The following GRB10 variants were observed in gnomAD, a reference collection of about 807,000 sequenced individuals.
The protein encoded by GRB10 is growth factor receptor bound protein 10, also known as growth factor receptor-bound protein 10.
A neutral mutation model predicts 80.9 loss-of-function variants in GRB10; 20 were observed. The observed-to-expected ratio is 0.25, with a 90% CI of 0.17 to 0.36. GRB10 has a LOEUF of 0.36. Among genes scored for constraint, GRB10 ranks in the 10% least tolerant of loss-of-function variants. The pLI, the probability that GRB10 is intolerant of heterozygous loss-of-function variation, is 1.00. For missense variants in GRB10, 548 were observed against 747.7 expected (o/e 0.73, Z 3.12); for synonymous variants, 291 against 291.5 (o/e 1.00, Z 0.02).
At chr7:50,731,853 G>A (rs905249382) in intron 4 of GRB10, among the ~76,000 whole-genome samples, 5 of 152,130 alleles carry the variant, frequency 3.3e-5, no homozygotes, top group Non-Finnish European at 5.9e-5. Context: ...ACTCCCTCAC[G>A]CGTGAGCACA....
chr7:50,736,985 G>T (rs1220655304), intron 3 of GRB10, among the ~76,000 whole-genome samples: 1 of 152,132 alleles, frequency 6.6e-6, no homozygotes, highest in Non-Finnish European at 1.5e-5. Context: ...ATATGACAAT[G>T]ATTTCTCAGA....
chr7:50,655,937 G>A (rs774550849), intron 7 of GRB10, among the ~76,000 whole-genome samples: 1 of 152,214 alleles, frequency 6.6e-6, no homozygotes, highest in Non-Finnish European at 1.5e-5. Flanking sequence ...TGTCCTGGCA[G>A]CATGTTGGAA....
At chr7:50,728,348 C>G (rs1484380393) in intron 4 of GRB10, among the ~76,000 whole-genome samples, 1 of 152,058 alleles carries the variant, frequency 6.6e-6, no homozygotes, top group African/African-American at 2.4e-5. Flanking sequence ...AATCAACTCT[C>G]GGAGATGATG....
rs571722702 is a variant in GRB10, at chr7:50,707,006, A to C, written c.52-3098T>G. Among the ~76,000 whole-genome samples, 14 of 152,326 alleles carry C rather than the reference A, an allele frequency of 9.2e-5. No homozygotes were observed. In the East Asian group the frequency reaches 2.7e-3, roughly 29 times the overall value. On this transcript the variant is annotated intron_variant, in intron 4 of 18. Transcript: ENST00000401949. ...AGTAAGTTCATTCACATTTGTAGCA[A>C]ATGTTTTTCCCACTTTGCATGTCTT...
Position 50,625,425 on chromosome 7 carries a change from T to A in GRB10, c.661+1397A>T, listed in dbSNP as rs2052697994. Among the ~76,000 whole-genome samples the A allele has an allele frequency of 2.0e-5, 3 of 152,328 alleles. No homozygotes were observed. The South Asian group carries it at 6.2e-4, about 32-fold the overall frequency. On this transcript the variant is annotated intron_variant, in intron 8 of 18. Transcript: ENST00000401949. ...TTTTTCATACATATATATACACATGTAGAGACACATGCTGAAGGTTTCCCA... is the reference window on the plus strand; with the variant it reads ...TTTTTCATACATATATATACACATGAAGAGACACATGCTGAAGGTTTCCCA...
At chr7:50,667,359 CTT>C (rs2059923058) in intron 7 of GRB10, among the ~76,000 whole-genome samples, 1 of 152,152 alleles carries the variant, frequency 6.6e-6, no homozygotes, top group Admixed American at 6.6e-5. Flanking sequence ...ATCGGGTCCA[CTT>C]TGTCAATTTT....
chr7:50,671,873 A>G (rs1418524015), intron 6 of GRB10, among the ~76,000 whole-genome samples: 1 of 152,246 alleles, frequency 6.6e-6, no homozygotes, highest in Non-Finnish European at 1.5e-5. Flanking sequence ...ATATCACACA[A>G]AGACAAAAAA....
intron 17 of GRB10, among the ~76,000 whole-genome samples, chr7:50,596,833 AT>A (rs903151129): frequency 1.0e-3 from 156 of 152,130 alleles, no homozygotes; most frequent in African/African-American, 3.6e-3. Context: ...CAACCTTAAA[AT>A]TTTTTTTTAA....
intron 5 of GRB10, among the ~76,000 whole-genome samples, chr7:50,695,521 C>T (rs750420272): frequency 5.2e-4 from 79 of 152,182 alleles, no homozygotes; most frequent in Non-Finnish European, 8.7e-4. Context: ...TCAGTCCTCT[C>T]TCTGAGCATG....
At chr7:50,781,879 A>G (rs2301925) in intron 1 of GRB10, among the ~76,000 whole-genome samples, 125,408 of 152,234 alleles carry the variant, frequency 0.82, 51,706 homozygotes, top group Middle Eastern at 0.91. Context: ...CCAGGGAGAA[A>G]GAGGTTTTCA....
rs57330680 is a variant in GRB10 at position 50,650,617 on chromosome 7, G to A, written c.504+19105C>T. On this transcript the variant is annotated intron_variant, in intron 7 of 18. Transcript: ENST00000401949. ...GCAAATGGAGTGGTGGCCCTGGGAA[G>A]ATGTAAGGATGTGTTCCCCTGTTTG... 2.5e-3 allele frequency among the ~76,000 whole-genome samples: 381 copies of A among 152,318 alleles called. 1 individual carries two copies. The highest frequency in any genetic ancestry group is 8.7e-3 in the African/African-American group (360 of 41,572).
chr7:50,749,283 C>G (rs1029324611), intron 3 of GRB10, among the ~76,000 whole-genome samples: 1 of 152,076 alleles, frequency 6.6e-6, no homozygotes, highest in Non-Finnish European at 1.5e-5. Context: ...CACTCACCAC[C>G]ATGCCCAGCT....
intron 4 of GRB10, among the ~76,000 whole-genome samples, chr7:50,719,295 T>A (rs1023833681): frequency 2.0e-5 from 3 of 152,004 alleles, no homozygotes; most frequent in Non-Finnish European, 4.4e-5. Flanking sequence ...GACACCTACA[T>A]GAAGGAGGAA....
At position 50,669,744 on chromosome 7, in the gene GRB10, G is replaced by A. The variant is rs373109707; in HGVS notation, c.482C>T (p.Pro161Leu). The A allele has an allele frequency of 1.5e-5, 24 of 1,613,386 alleles. No individual in the cohort carries two copies. The highest frequency in any genetic ancestry group is 9.3e-5 in the African/African-American group (7 of 74,936). Reference protein sequence around the residue: ...PPVLTPGSLPPSQAAAKQDVK... With the variant: ...PPVLTPGSLPLSQAAAKQDVK... Reference sequence around the variant, plus strand: ...CACCTGCTTTGCGGCGGCCTGGCTCGGAGGTAAAGAACCCGGCGTGAGCAC... The same window carrying A: ...CACCTGCTTTGCGGCGGCCTGGCTCAGAGGTAAAGAACCCGGCGTGAGCAC... The change falls in exon 7 of 19, where the codon CCG (proline) becomes CTG (leucine). Residue 161 changes from proline to leucine, a missense_variant. This residue lies in a region of GRB10 where 245 missense variants were observed against 229.3 expected (regional missense o/e 1.07). Transcript: ENST00000401949.
rs567853435 is a variant in GRB10, at chr7:50,738,121, T to C, written c.-46-5753A>G. Among the ~76,000 whole-genome samples the C allele has an allele frequency of 7.2e-5, 11 of 152,148 alleles. No homozygotes were observed. In the South Asian group the frequency reaches 1.7e-3, roughly 23 times the overall value. ...GATATAAAAAATAAAACCACAAGTATTGGTGAGGATGTGGAGAAACTGGAA... is the reference window on the plus strand; with the variant it reads ...GATATAAAAAATAAAACCACAAGTACTGGTGAGGATGTGGAGAAACTGGAA... On this transcript the variant is annotated intron_variant, in intron 3 of 18. Coordinates refer to ENST00000401949, the MANE Select transcript of GRB10 (RefSeq NM_001350814.2).
chr7:50,665,572 C>T (rs2059713093), intron 7 of GRB10, among the ~76,000 whole-genome samples: 1 of 152,214 alleles, frequency 6.6e-6, no homozygotes, highest in African/African-American at 2.4e-5. Flanking sequence ...GGACAAACTG[C>T]TCTCAGGGCT....
intron 2 of GRB10, among the ~76,000 whole-genome samples, chr7:50,760,408 A>G (rs2075629349): frequency 1.3e-5 from 2 of 152,254 alleles, no homozygotes; most frequent in Admixed American, 6.5e-5. Flanking sequence ...TCCTAAATGG[A>G]AAGATTAAAC....
chr7:50,615,069 CA>C (rs1443374177), intron 11 of GRB10, among the ~76,000 whole-genome samples, 189 bp from the exon 12 acceptor site: 15 of 152,128 alleles, frequency 9.9e-5, no homozygotes, highest in African/African-American at 3.1e-4. Flanking sequence ...CAGTCTCACC[CA>C]AAACACCCAC....
rs182505830 is a variant in GRB10 at position 50,620,849 on chromosome 7, C to T, written c.662-1564G>A. Reference sequence around the variant, plus strand: ...TTCCAGAAGGAAAACAAATCAATGACTTCTGTTGAAATGTTTATTCAGAGA... The same window carrying T: ...TTCCAGAAGGAAAACAAATCAATGATTTCTGTTGAAATGTTTATTCAGAGA... On this transcript the variant is annotated intron_variant, in intron 8 of 18. Coordinates refer to ENST00000401949, the MANE Select transcript of GRB10 (RefSeq NM_001350814.2). 8.5e-4 allele frequency among the ~76,000 whole-genome samples: 130 copies of T among 152,332 alleles called. 1 individual carries two copies. The highest frequency in any genetic ancestry group is 3.0e-3 in the African/African-American group (125 of 41,572).
Sources: gnomAD v4.1 joint callset for allele counts (sites outside exome capture counted in the v4.1 genomes callset) on GRCh38, gnomAD v4.1.1 for gene constraint, gnomAD v4.1.1 regional missense constraint, MANE v1.5 for transcripts, NCBI Gene and HGNC (gene_info 2026-07-23, HGNC 2026-07-21) for gene names.